The following GALNT13 variants were observed in gnomAD, a reference collection of about 807,000 sequenced individuals.
The protein encoded by GALNT13 is UDP-GalNAc:polypeptide N-acetylgalactosaminyltransferase 13.
Under a neutral mutation model 64.2 loss-of-function variants are expected in GALNT13, and 28 were observed. The observed-to-expected ratio is 0.44, with a 90% CI of 0.32 to 0.60. GALNT13 has a LOEUF of 0.60. GALNT13 is among the 20% of genes least tolerant of loss of function. The pLI, the probability that GALNT13 is intolerant of heterozygous loss-of-function variation, is 0.05. For synonymous variants in GALNT13, 214 were observed against 224.6 expected (o/e 0.95, Z 0.42); for missense variants, 577 against 669.8 (o/e 0.86, Z 1.53).
At chr2:153,649,098 A>C in the GALNT13 span, among the ~76,000 whole-genome samples, 1 of 152,020 alleles carries the variant, frequency 6.6e-6, no homozygotes, top group Non-Finnish European at 1.5e-5. Context: ...CTGGTCCTGG[A>C]CTTTTTTGGT....
chr2:154,169,662 C>T (rs1190477129), intron 4 of GALNT13, among the ~76,000 whole-genome samples: 2 of 152,106 alleles, frequency 1.3e-5, no homozygotes, highest in Non-Finnish European at 2.9e-5. Flanking sequence ...AGAAAGGCAG[C>T]TCTCTTCAAT....
At chr2:153,607,116 A>G in the GALNT13 span, among the ~76,000 whole-genome samples, 3 of 151,952 alleles carry the variant, frequency 2.0e-5, no homozygotes, top group Non-Finnish European at 4.4e-5. Context: ...AATTTCCTCT[A>G]CTAGGATCCC....
chr2:153,591,468 A>C, the GALNT13 span, among the ~76,000 whole-genome samples: 7 of 152,108 alleles, frequency 4.6e-5, no homozygotes, highest in African/African-American at 1.7e-4. Context: ...TTTATATGGA[A>C]CCAAAAAGGA....
chr2:154,209,022 A>G, intron 4 of GALNT13, among the ~76,000 whole-genome samples: 1 of 152,094 alleles, frequency 6.6e-6, no homozygotes, highest in Non-Finnish European at 1.5e-5. Context: ...AACATTGAAG[A>G]CATCCCTTCT....
chr2:154,025,904 A>T (rs575204245), intron 3 of GALNT13, among the ~76,000 whole-genome samples: 11 of 152,256 alleles, frequency 7.2e-5, no homozygotes, highest in South Asian at 4.1e-4. Flanking sequence ...AGGAGGATAC[A>T]TGTGAAGTAG....
At chr2:153,323,882 G>T in the GALNT13 span, among the ~76,000 whole-genome samples, 2 of 152,072 alleles carry the variant, frequency 1.3e-5, no homozygotes, top group Non-Finnish European at 2.9e-5. Context: ...TGCTGTTTTG[G>T]TTACTGTAAC....
At chr2:154,431,093 A>T (rs1277557287) in intron 11 of GALNT13, among the ~76,000 whole-genome samples, 1 of 152,144 alleles carries the variant, frequency 6.6e-6, no homozygotes, top group African/African-American at 2.4e-5. Flanking sequence ...GTATCTCTGA[A>T]GTTTGCCTGT....
chr2:154,382,321 A>T (rs1440368642), intron 9 of GALNT13, among the ~76,000 whole-genome samples: 1 of 152,142 alleles, frequency 6.6e-6, no homozygotes, highest in Non-Finnish European at 1.5e-5. Flanking sequence ...TTTTAGCATC[A>T]CAATAGTACA....
the GALNT13 span, among the ~76,000 whole-genome samples, chr2:153,576,914 T>C: frequency 6.6e-6 from 1 of 152,236 alleles, no homozygotes; most frequent in Non-Finnish European, 1.5e-5. Flanking sequence ...TAGTGTTTTT[T>C]ATATCTTGTT....
chr2:153,194,651 T>C, the GALNT13 span, among the ~76,000 whole-genome samples: 27 of 152,220 alleles, frequency 1.8e-4, no homozygotes, highest in Admixed American at 1.6e-3. Context: ...TCCTTGCTTT[T>C]TCCTGTTTCT....
the GALNT13 span, among the ~76,000 whole-genome samples, chr2:153,405,563 G>A: frequency 5.9e-5 from 9 of 152,100 alleles, no homozygotes; most frequent in African/African-American, 1.9e-4. Context: ...TGAGACAATT[G>A]TTTTGGAGCC....
chr2:153,873,832 C>G (rs1686162880), intron 1 of GALNT13, among the ~76,000 whole-genome samples: 1 of 151,964 alleles, frequency 6.6e-6, no homozygotes, highest in African/African-American at 2.4e-5. Context: ...CTCTTTCTCT[C>G]TCTCTCTTTT....
chr2:154,291,830 G>C (rs1692659746), intron 8 of GALNT13, among the ~76,000 whole-genome samples: 1 of 152,278 alleles, frequency 6.6e-6, no homozygotes, highest in Non-Finnish European at 1.5e-5. Context: ...CCGAGAGCAA[G>C]CGAGGACTGC....
At chr2:154,275,522 G>T (rs907505751) in intron 8 of GALNT13, among the ~76,000 whole-genome samples, 1 of 152,216 alleles carries the variant, frequency 6.6e-6, no homozygotes, top group Non-Finnish European at 1.5e-5. Context: ...AGGCCTGTGG[G>T]TTCACAGAAG....
intron 3 of GALNT13, among the ~76,000 whole-genome samples, chr2:153,964,462 G>T (rs1268343432): frequency 6.6e-6 from 1 of 151,970 alleles, no homozygotes; most frequent in Non-Finnish European, 1.5e-5. Context: ...GCAAAAAAAA[G>T]AACAGCATTT....
intron 3 of GALNT13, among the ~76,000 whole-genome samples, chr2:154,126,644 A>AAC (rs1036322795): frequency 2.7e-5 from 4 of 150,236 alleles, no homozygotes; most frequent in East Asian, 1.9e-4. Flanking sequence ...CAAAAAAACA[A>AAC]AAAAAAAAAA....
intron 3 of GALNT13, among the ~76,000 whole-genome samples, chr2:154,024,315 C>T (rs1288271892): frequency 1.3e-5 from 2 of 152,182 alleles, no homozygotes; most frequent in African/African-American, 2.4e-5. Context: ...CATTTCTCCC[C>T]GTCACTTTCA....
chr2:154,006,300 T>C (rs1696245422), intron 3 of GALNT13, among the ~76,000 whole-genome samples: 1 of 152,144 alleles, frequency 6.6e-6, no homozygotes, highest in African/African-American at 2.4e-5. Flanking sequence ...ATACATTAAA[T>C]TTTTTGCTAA....
the GALNT13 span, among the ~76,000 whole-genome samples, chr2:153,407,014 A>G: frequency 6.6e-6 from 1 of 152,130 alleles, no homozygotes; most frequent in Non-Finnish European, 1.5e-5. Context: ...ATTATCTTAA[A>G]TATTAAGAAC....
Sources: allele counts gnomAD v4.1 joint callset (sites outside exome capture counted in the v4.1 genomes callset), GRCh38; gene constraint gnomAD v4.1.1; transcripts MANE v1.5; gene names NCBI Gene and HGNC (gene_info 2026-07-23, HGNC 2026-07-21).